The following MALRD1 variants were observed in gnomAD, a reference collection of about 807,000 sequenced individuals.
The protein encoded by MALRD1 is MAM and LDL receptor class A domain containing 1, also known as MAM and LDL-receptor class A domain-containing protein 1.
MALRD1 carries 247 observed loss-of-function variants against 242.1 expected under a neutral mutation model. The observed-to-expected ratio is 1.02, with a 90% CI of 0.92 to 1.13. The LOEUF (loss-of-function observed/expected upper bound fraction) is 1.13. Among genes scored for constraint, MALRD1 ranks in the 50% most tolerant of loss-of-function variants. The pLI is 0.00. For missense variants in MALRD1, 2,989 were observed against 2,533.1 expected (o/e 1.18, Z -3.86); for synonymous variants, 995 against 866.6 (o/e 1.15, Z -2.60).
intron 26 of MALRD1, among the ~76,000 whole-genome samples, chr10:19,369,463 T>C (rs1158707958): frequency 2.0e-5 from 3 of 148,692 alleles, no homozygotes; most frequent in Non-Finnish European, 3.0e-5. Context: ...CATTGAGATA[T>C]AGTTTTTTTA....
chr10:19,586,760 C>G (rs929541806), intron 33 of MALRD1, among the ~76,000 whole-genome samples: 17 of 152,250 alleles, frequency 1.1e-4, no homozygotes, highest in Non-Finnish European at 1.9e-4. Flanking sequence ...CCACCCAGTT[C>G]CAGCTTCCTG....
intron 28 of MALRD1, among the ~76,000 whole-genome samples, chr10:19,415,211 G>C (rs1283490736): frequency 6.6e-6 from 1 of 152,036 alleles, no homozygotes; most frequent in East Asian, 1.9e-4. Context: ...TGTTAAACTA[G>C]AGAAAACTAG....
At chr10:19,343,663 ATTG>A (rs948483504) in intron 24 of MALRD1, among the ~76,000 whole-genome samples, 2 of 152,048 alleles carry the variant, frequency 1.3e-5, no homozygotes, top group Non-Finnish European at 1.5e-5. Flanking sequence ...ATCCATCAAA[ATTG>A]TTGTGTGTAT....
intron 21 of MALRD1, among the ~76,000 whole-genome samples, chr10:19,304,403 T>G (rs1040748990): frequency 5.3e-5 from 8 of 151,698 alleles, no homozygotes; most frequent in Admixed American, 5.3e-4. Flanking sequence ...TCTATCTATA[T>G]CCTATTGTTA....
chr10:19,391,420 T>A (rs1176827364), intron 28 of MALRD1, among the ~76,000 whole-genome samples: 3 of 152,244 alleles, frequency 2.0e-5, no homozygotes, highest in Non-Finnish European at 4.4e-5. Context: ...TGTCTCCATG[T>A]GGAATCATGC....
intron 32 of MALRD1, among the ~76,000 whole-genome samples, chr10:19,545,213 A>C (rs1835158403): frequency 6.6e-6 from 1 of 152,094 alleles, no homozygotes; most frequent in Non-Finnish European, 1.5e-5. Context: ...GGCATCATTC[A>C]CATTGGATTA....
chr10:19,312,240 C>A (rs999640221), intron 21 of MALRD1, among the ~76,000 whole-genome samples: 6 of 151,222 alleles, frequency 4.0e-5, no homozygotes, highest in Admixed American at 2.7e-4. Context: ...ACAAACTTAT[C>A]TGTTTTTCCA....
intron 36 of MALRD1, among the ~76,000 whole-genome samples, chr10:19,623,537 C>T (rs1223191906): frequency 3.3e-5 from 5 of 152,138 alleles, no homozygotes; most frequent in Non-Finnish European, 7.4e-5. Flanking sequence ...TGATGTAATT[C>T]AATCCCAGTT....
At chr10:19,159,682 A>G (rs1299990472) in intron 12 of MALRD1, among the ~76,000 whole-genome samples, 1 of 152,102 alleles carries the variant, frequency 6.6e-6, no homozygotes, top group Non-Finnish European at 1.5e-5. Flanking sequence ...GGAAGAATTC[A>G]TTTTGAACTT....
intron 32 of MALRD1, among the ~76,000 whole-genome samples, chr10:19,563,727 C>T (rs1173358448): frequency 6.6e-6 from 1 of 152,134 alleles, no homozygotes; most frequent in East Asian, 1.9e-4. Context: ...CTTTCAAGGC[C>T]TTATCTGGCC....
intron 4 of MALRD1, among the ~76,000 whole-genome samples, chr10:19,097,151 C>G (rs1836068876): frequency 6.6e-6 from 1 of 152,138 alleles, no homozygotes; most frequent in Non-Finnish European, 1.5e-5. Flanking sequence ...CAAAAATCCT[C>G]TAAGGTAGAA....
chr10:19,053,957 A>C (rs1009856925), intron 1 of MALRD1, among the ~76,000 whole-genome samples: 3 of 152,182 alleles, frequency 2.0e-5, no homozygotes, highest in Non-Finnish European at 2.9e-5. Flanking sequence ...TTTTCACATG[A>C]TATTAAGCAC....
chr10:19,047,907 A>G (rs1834378607), upstream of MALRD1, among the ~76,000 whole-genome samples: 1 of 152,210 alleles, frequency 6.6e-6, no homozygotes, highest in African/African-American at 2.4e-5. Context: ...TACACTGCAG[A>G]AATTAAAATA....
chr10:19,103,852 A>G (rs1836368721), intron 4 of MALRD1, 127 bp from the exon 5 acceptor site: 2 of 448,272 alleles, frequency 4.5e-6, no homozygotes, highest in Non-Finnish European at 7.4e-6. Context: ...TGGAATTGGC[A>G]TGGTCACCCA....
chr10:19,500,910 G>A (rs193274537), intron 31 of MALRD1, among the ~76,000 whole-genome samples: 3 of 152,014 alleles, frequency 2.0e-5, no homozygotes, highest in Admixed American at 6.6e-5. Flanking sequence ...TCCCTGTCAC[G>A]GTGGAGCTTA....
intron 21 of MALRD1, among the ~76,000 whole-genome samples, chr10:19,285,014 A>AT (rs1841034927): frequency 1.1e-5 from 1 of 89,888 alleles, no homozygotes; most frequent in South Asian, 5.2e-4. Flanking sequence ...GATGATGAGC[A>AT]TTTTTTCATG....
chr10:19,470,113 C>G (rs1229004876), intron 29 of MALRD1, among the ~76,000 whole-genome samples: 1 of 151,996 alleles, frequency 6.6e-6, no homozygotes, highest in African/African-American at 2.4e-5. Context: ...CACATTTCCC[C>G]CTTCCACCAG....
intron 10 of MALRD1, among the ~76,000 whole-genome samples, chr10:19,142,796 G>T (rs1833597980): frequency 6.6e-6 from 1 of 152,136 alleles, no homozygotes; most frequent in Admixed American, 6.5e-5. Flanking sequence ...TTGCCAGAAT[G>T]CATTTGACTC....
chr10:19,595,303 A>G lies in MALRD1; in HGVS notation c.5790A>G (p.Ile1930Met), dbSNP rs1463387729. ...AATGTGATGGACATGAAGACTGCATAGATGGATCTGATGAAATGGATTGTC... is the reference window on the plus strand; with the variant it reads ...AATGTGATGGACATGAAGACTGCATGGATGGATCTGATGAAATGGATTGTC... ...SGKCDGHEDC[I>M]DGSDEMDCPL... Residue 1930 changes from isoleucine to methionine, a missense_variant, in exon 34 of 40, where the codon ATA (isoleucine) becomes ATG (methionine). Ile to Met is a conservative substitution (Grantham distance 10, BLOSUM62 1). Transcript: ENST00000454679. The G allele has an allele frequency of 1.9e-6, 3 of 1,550,760 alleles. No homozygotes were observed. The highest frequency in any genetic ancestry group is 2.4e-5 in the South Asian group (2 of 84,056).
Sources: allele counts gnomAD v4.1 joint callset (sites outside exome capture counted in the v4.1 genomes callset), GRCh38; gene constraint gnomAD v4.1.1; transcripts MANE v1.5; gene names NCBI Gene and HGNC (gene_info 2026-07-23, HGNC 2026-07-21).